The following TRIP4 variants were observed in gnomAD, a reference collection of about 807,000 sequenced individuals.
TRIP4 encodes the protein activating signal cointegrator 1.
In TRIP4, 54 loss-of-function variants were observed where a neutral mutation model predicts 81.8. The ratio of observed to expected loss-of-function variants is 0.66; its 90% confidence interval spans 0.53 to 0.83. The LOEUF (loss-of-function observed/expected upper bound fraction) is 0.83. Among genes scored for constraint, TRIP4 ranks in the 40% least tolerant of loss-of-function variants. The pLI, the probability that TRIP4 is intolerant of heterozygous loss-of-function variation, is 0.00. For missense variants in TRIP4, 662 were observed against 683.6 expected (o/e 0.97, Z 0.35); for synonymous variants, 270 against 242.8 (o/e 1.11, Z -1.04).
At chr15:64,454,254 C>T (rs892141436) in intron 12 of TRIP4, among the ~76,000 whole-genome samples, 1 of 151,892 alleles carries the variant, frequency 6.6e-6, no homozygotes, top group Non-Finnish European at 1.5e-5. Flanking sequence ...GTTCTCAGGC[C>T]AGACAGACAG....
chr15:64,426,685 G>C (rs1892152616), intron 11 of TRIP4, among the ~76,000 whole-genome samples: 1 of 131,846 alleles, frequency 7.6e-6, no homozygotes, highest in African/African-American at 2.8e-5. Flanking sequence ...GGGCGACAGA[G>C]TGAGACTCTG....
At chr15:64,424,395 A>G (rs553422655) in intron 10 of TRIP4, 13 of 453,776 alleles carry the variant, frequency 2.9e-5, no homozygotes, top group African/African-American at 1.6e-4. Context: ...TAATTTTTTT[A>G]TCTGAGAAAA....
At chr15:64,405,451 G>A (rs1891603287) in intron 5 of TRIP4, among the ~76,000 whole-genome samples, 2 of 152,128 alleles carry the variant, frequency 1.3e-5, no homozygotes. Flanking sequence ...ACTGCACCCG[G>A]CCACTGGTCT....
intron 8 of TRIP4, among the ~76,000 whole-genome samples, chr15:64,414,798 G>A (rs914207870): frequency 6.6e-6 from 1 of 151,940 alleles, no homozygotes; most frequent in Non-Finnish European, 1.5e-5. Context: ...CTATCAATGG[G>A]TTTTATAGGG....
At chr15:64,397,487 TC>T (rs2140283424) in intron 3 of TRIP4, 118 bp from the exon 4 acceptor site, 1 of 961,014 alleles carries the variant, frequency 1.0e-6, no homozygotes, top group East Asian at 2.6e-5. Context: ...TTCACTGCCT[TC>T]TTTCTTGGTT....
chr15:64,414,651 G>C (rs932741549), intron 8 of TRIP4, among the ~76,000 whole-genome samples: 1 of 150,302 alleles, frequency 6.7e-6, no homozygotes, highest in Non-Finnish European at 1.5e-5. Flanking sequence ...TGAGTAGCTG[G>C]GACTACAGGT....
At position 64,389,149 on chromosome 15, in the gene TRIP4, G is replaced by A. The variant is rs958760234; in HGVS notation, c.101+1185G>A. On this transcript the variant is annotated intron_variant, in intron 1 of 12. Transcript: ENST00000261884. Reference sequence around the variant, plus strand: ...AGAGGTGGCGGTCCAAAGTGTTCAGGCAGGGGAGAAAACTACAAAAATGGG... The same window carrying A: ...AGAGGTGGCGGTCCAAAGTGTTCAGACAGGGGAGAAAACTACAAAAATGGG... 2.6e-5 allele frequency among the ~76,000 whole-genome samples: 4 copies of A among 152,292 alleles called. No individual in the cohort carries two copies. The East Asian group carries it at 7.7e-4, about 29-fold the overall frequency.
chr15:64,449,348 T>C (rs1055220492), intron 12 of TRIP4, among the ~76,000 whole-genome samples: 2 of 151,400 alleles, frequency 1.3e-5, no homozygotes, highest in Non-Finnish European at 2.9e-5. Flanking sequence ...ATTAGTTCTA[T>C]GATAAATATA....
intron 6 of TRIP4, among the ~76,000 whole-genome samples, chr15:64,407,743 A>G (rs1379046176): frequency 6.6e-6 from 1 of 152,056 alleles, no homozygotes; most frequent in Non-Finnish European, 1.5e-5. Flanking sequence ...GTCTCTCCCT[A>G]TTGTTGCTGT....
intron 12 of TRIP4, among the ~76,000 whole-genome samples, chr15:64,445,562 G>T (rs1346132814): frequency 6.6e-6 from 1 of 151,176 alleles, no homozygotes; most frequent in African/African-American, 2.4e-5. Context: ...TCAGCTGCTT[G>T]GAAGGCTGAG....
At chr15:64,438,453 G>T (rs1892448199) in intron 11 of TRIP4, among the ~76,000 whole-genome samples, 1 of 152,194 alleles carries the variant, frequency 6.6e-6, no homozygotes, top group Non-Finnish European at 1.5e-5. Flanking sequence ...CCAAGTAGCT[G>T]GGATTACAGG....
At chr15:64,389,393 A>G (rs943064404) in intron 1 of TRIP4, among the ~76,000 whole-genome samples, 14 of 152,132 alleles carry the variant, frequency 9.2e-5, no homozygotes, top group African/African-American at 2.9e-4. Flanking sequence ...GCACTTTGGG[A>G]GGTAGAGGTG....
chr15:64,402,376 C>A (rs945862155), intron 5 of TRIP4, among the ~76,000 whole-genome samples: 1 of 151,892 alleles, frequency 6.6e-6, no homozygotes, highest in Non-Finnish European at 1.5e-5. Context: ...GCATGCGTCA[C>A]CACCCTGACT....
intron 6 of TRIP4, among the ~76,000 whole-genome samples, chr15:64,408,948 C>T (rs1441559879): frequency 6.6e-6 from 1 of 152,092 alleles, no homozygotes; most frequent in Non-Finnish European, 1.5e-5. Flanking sequence ...GGCACAGTGG[C>T]TCACACCTGT....
At chr15:64,408,853 A>G (rs1378391242) in intron 6 of TRIP4, among the ~76,000 whole-genome samples, 1 of 152,146 alleles carries the variant, frequency 6.6e-6, no homozygotes, top group Non-Finnish European at 1.5e-5. Flanking sequence ...GCCCCAGTGC[A>G]TTAGTGAGAG....
chr15:64,395,301 T>A, intron 2 of TRIP4, 97 bp from the exon 3 acceptor site: 1 of 1,023,616 alleles, frequency 9.8e-7, no homozygotes. Flanking sequence ...TGACTCTAAA[T>A]ATTAAGCATC....
intron 1 of TRIP4, among the ~76,000 whole-genome samples, chr15:64,391,889 T>C (rs2048770): frequency 0.027 from 3,868 of 145,360 alleles, 161 homozygotes; most frequent in African/African-American, 0.094. Context: ...GAGAATTTCT[T>C]GAACCTAGGA....
intron 11 of TRIP4, among the ~76,000 whole-genome samples, chr15:64,427,526 C>T (rs1284549399): frequency 6.6e-6 from 1 of 152,142 alleles, no homozygotes; most frequent in Non-Finnish European, 1.5e-5. Context: ...AGGCACCACA[C>T]CACCATGCCC....
intron 7 of TRIP4, among the ~76,000 whole-genome samples, chr15:64,413,620 C>T (rs1233230879): frequency 6.6e-6 from 1 of 151,682 alleles, no homozygotes. Flanking sequence ...GAGACAGTCT[C>T]ACTCTATTGC....
Sources: gnomAD v4.1 joint callset for allele counts (sites outside exome capture counted in the v4.1 genomes callset) on GRCh38, gnomAD v4.1.1 for gene constraint, MANE v1.5 for transcripts, NCBI Gene and HGNC (gene_info 2026-07-23, HGNC 2026-07-21) for gene names.